The following FOXN3 variants were observed in gnomAD, a reference collection of about 807,000 sequenced individuals.
FOXN3 encodes the protein forkhead box protein N3.
FOXN3 carries 7 observed loss-of-function variants against 38.4 expected under a neutral mutation model. The ratio of observed to expected loss-of-function variants is 0.18; its 90% CI spans 0.10 to 0.34. FOXN3 has a LOEUF of 0.34. Among genes scored for constraint, FOXN3 ranks in the 10% least tolerant of loss-of-function variants. The probability of loss-of-function intolerance (pLI) is 1.00; values close to 1 mark genes in which losing one functional copy is unlikely to be tolerated. For missense variants in FOXN3, 456 were observed against 613.4 expected (o/e 0.74, Z 2.71); for synonymous variants, 230 against 242.2 (o/e 0.95, Z 0.47).
intron 1 of FOXN3, among the ~76,000 whole-genome samples, chr14:89,587,133 C>A (rs1287410765): frequency 6.6e-6 from 1 of 152,182 alleles, no homozygotes; most frequent in African/African-American, 2.4e-5. Flanking sequence ...GGCAAAATTT[C>A]CTTTTTCTTG....
chr14:89,489,976 A>T (rs1028636681), intron 1 of FOXN3, among the ~76,000 whole-genome samples: 3 of 152,258 alleles, frequency 2.0e-5, no homozygotes, highest in African/African-American at 7.2e-5. Context: ...TGTGTCTGAT[A>T]CAACTGCAGG....
chr14:89,617,747 C>A (rs1393762643), intron 1 of FOXN3, among the ~76,000 whole-genome samples: 1 of 151,914 alleles, frequency 6.6e-6, no homozygotes, highest in Non-Finnish European at 1.5e-5. Context: ...GAAACAACAA[C>A]AAAAAATTAA....
chr14:89,177,620 T>C (rs923084016), intron 5 of FOXN3, among the ~76,000 whole-genome samples: 3 of 152,082 alleles, frequency 2.0e-5, no homozygotes, highest in Admixed American at 1.3e-4. Flanking sequence ...GGGGGTGCCA[T>C]AGAGAGACTG....
intron 4 of FOXN3, among the ~76,000 whole-genome samples, chr14:89,237,730 C>T (rs1438756605): frequency 6.6e-6 from 1 of 152,184 alleles, no homozygotes; most frequent in African/African-American, 2.4e-5. Flanking sequence ...TTGAGAAGTA[C>T]AGTAAAGTAC....
intron 3 of FOXN3, among the ~76,000 whole-genome samples, chr14:89,332,153 C>A (rs1362602140): frequency 1.3e-5 from 2 of 152,158 alleles, no homozygotes; most frequent in Non-Finnish European, 2.9e-5. Flanking sequence ...TTCTTTTCTG[C>A]TGCAATATTC....
intron 1 of FOXN3, among the ~76,000 whole-genome samples, chr14:89,545,609 T>G (rs1410296471): frequency 6.6e-6 from 1 of 152,210 alleles, no homozygotes; most frequent in Non-Finnish European, 1.5e-5. Flanking sequence ...AGCAGCCTCC[T>G]CTGAAACCAT....
At chr14:89,460,760 G>T (rs1892830618) in intron 1 of FOXN3, among the ~76,000 whole-genome samples, 1 of 152,170 alleles carries the variant, frequency 6.6e-6, no homozygotes, top group African/African-American at 2.4e-5. Context: ...GCCGGGCGCG[G>T]TGACTCACAA....
chr14:89,166,358 G>A (rs1341525156), intron 5 of FOXN3, among the ~76,000 whole-genome samples: 1 of 152,172 alleles, frequency 6.6e-6, no homozygotes, highest in Non-Finnish European at 1.5e-5. Flanking sequence ...TGATTCCACA[G>A]CCCCTGATTT....
intron 3 of FOXN3, chr14:89,291,312 C>G: frequency 1.9e-6 from 1 of 514,744 alleles, no homozygotes; most frequent in South Asian, 1.5e-5. Context: ...GCCACGCATT[C>G]TCTCGGGGTT....
chr14:89,580,194 C>T (rs967186655), intron 1 of FOXN3, among the ~76,000 whole-genome samples: 2 of 152,130 alleles, frequency 1.3e-5, no homozygotes, highest in African/African-American at 4.8e-5. Context: ...AAATAAGTTG[C>T]CCAGGAACTT....
intron 1 of FOXN3, among the ~76,000 whole-genome samples, chr14:89,428,241 A>C (rs1164682176): frequency 6.6e-6 from 1 of 152,206 alleles, no homozygotes; most frequent in African/African-American, 2.4e-5. Flanking sequence ...GGAGATTAGC[A>C]ATTTATTCCA....
intron 1 of FOXN3, among the ~76,000 whole-genome samples, chr14:89,618,857 G>A (rs1896543269): frequency 6.6e-6 from 1 of 150,830 alleles, no homozygotes; most frequent in Non-Finnish European, 1.5e-5. Flanking sequence ...TTTCCCATTT[G>A]GGCTGCAAGC....
chr14:89,277,826 C>T (rs935255891), intron 4 of FOXN3, among the ~76,000 whole-genome samples: 1 of 152,092 alleles, frequency 6.6e-6, no homozygotes, highest in Admixed American at 6.5e-5. Flanking sequence ...TTATTCTTCC[C>T]GTCGCTATAC....
intron 3 of FOXN3, among the ~76,000 whole-genome samples, chr14:89,334,006 ATATG>A (rs1240942944): frequency 6.1e-5 from 3 of 49,390 alleles, no homozygotes; most frequent in South Asian, 9.8e-4. Context: ...ATATATATAT[ATATG>A]TATATAAATG....
intron 2 of FOXN3, among the ~76,000 whole-genome samples, chr14:89,375,400 G>GA (rs996944294): frequency 6.6e-6 from 1 of 151,456 alleles, no homozygotes; most frequent in Non-Finnish European, 1.5e-5. Flanking sequence ...AACCTCACCA[G>GA]AAAAAAAACT....
chr14:89,357,705 T>A (rs1443676092), intron 2 of FOXN3, among the ~76,000 whole-genome samples: 2 of 152,206 alleles, frequency 1.3e-5, no homozygotes, highest in African/African-American at 4.8e-5. Context: ...TGATATTCAG[T>A]AATGGTGTGG....
chr14:89,203,463 T>TG (rs1348468967), intron 4 of FOXN3, among the ~76,000 whole-genome samples: 1 of 152,170 alleles, frequency 6.6e-6, no homozygotes, highest in Non-Finnish European at 1.5e-5. Context: ...TAGTGCCCTG[T>TG]GTCTGTGGCA....
chr14:89,449,361 T>C (rs756705851), intron 1 of FOXN3, among the ~76,000 whole-genome samples: 2 of 152,218 alleles, frequency 1.3e-5, no homozygotes, highest in Non-Finnish European at 2.9e-5. Context: ...ATCCTCTTCT[T>C]ATATTTACAT....
chr14:89,389,296 G>C (rs1443048070), intron 2 of FOXN3, among the ~76,000 whole-genome samples: 1 of 147,270 alleles, frequency 6.8e-6, no homozygotes, highest in Non-Finnish European at 1.5e-5. Context: ...CTTTTTTAGA[G>C]TACTTAAAAC....
Sources: allele counts gnomAD v4.1 joint callset (sites outside exome capture counted in the v4.1 genomes callset), GRCh38; gene constraint gnomAD v4.1.1; transcripts MANE v1.5; gene names NCBI Gene and HGNC (gene_info 2026-07-23, HGNC 2026-07-21).